PLEKHA5: variants seen among roughly 807,000 people sequenced by gnomAD.
The protein encoded by PLEKHA5 is pleckstrin homology domain containing A5.
PLEKHA5 carries 55 observed loss-of-function variants against 181.9 expected under a neutral mutation model. The ratio of observed to expected loss-of-function variants is 0.30; its 90% confidence interval spans 0.24 to 0.38. The LOEUF is 0.38. PLEKHA5 is among the 10% of genes least tolerant of loss of function. The pLI is 1.00. For missense variants in PLEKHA5, 1,432 were observed against 1,549.5 expected, an observed-to-expected ratio of 0.92 and a Z score of 1.27; for synonymous variants, 535 against 529.4, an observed-to-expected ratio of 1.01 and a Z score of -0.15.
chr12:19,131,644 G>A (rs2150964546), intron 2 of PLEKHA5, among the ~76,000 whole-genome samples: 1 of 151,884 alleles, frequency 6.6e-6, no homozygotes, highest in South Asian at 2.1e-4. Flanking sequence ...TCACGCCACA[G>A]AAAAATTTTA....
chr12:19,318,670 C>T (rs1273296475), intron 16 of PLEKHA5, among the ~76,000 whole-genome samples: 1 of 152,116 alleles, frequency 6.6e-6, no homozygotes, highest in Non-Finnish European at 1.5e-5. Context: ...CGCCTATAAT[C>T]CCAGCACTTT....
At chr12:19,318,499 C>G (rs189302999) in intron 16 of PLEKHA5, among the ~76,000 whole-genome samples, 1 of 152,134 alleles carries the variant, frequency 6.6e-6, no homozygotes, top group African/African-American at 2.4e-5. Flanking sequence ...CTTTAATATA[C>G]TAATGTTTTT....
At chr12:19,306,686 T>C in intron 15 of PLEKHA5, 2 of 1,473,140 alleles carry the variant, frequency 1.4e-6, no homozygotes, top group Non-Finnish European at 1.9e-6. Context: ...TCTGAGCAGA[T>C]GCGGACTCTC....
intron 3 of PLEKHA5, chr12:19,176,172 C>T (rs1215961897): frequency 2.0e-5 from 3 of 149,702 alleles, no homozygotes; most frequent in African/African-American, 7.4e-5. Flanking sequence ...GTTCTCCAGA[C>T]ACTCTCTCTC....
chr12:19,305,813 T>C (rs1396170018), intron 15 of PLEKHA5, among the ~76,000 whole-genome samples: 2 of 125,808 alleles, frequency 1.6e-5, no homozygotes, highest in African/African-American at 5.8e-5. Flanking sequence ...TGAGCCAAGA[T>C]TGCGCCATTG....
chr12:19,281,838 C>G (rs535072766), intron 11 of PLEKHA5, among the ~76,000 whole-genome samples: 2 of 152,012 alleles, frequency 1.3e-5, no homozygotes, highest in African/African-American at 4.8e-5. Flanking sequence ...CTGGAGTGCA[C>G]TGGCGCGATC....
At chr12:19,333,370 G>A (rs895482737) in intron 20 of PLEKHA5, among the ~76,000 whole-genome samples, 6 of 151,732 alleles carry the variant, frequency 4.0e-5, no homozygotes, top group Non-Finnish European at 7.4e-5. Context: ...ATGAGGTCAG[G>A]AGATTAAGAC....
chr12:19,297,824 T>G (rs1297108958), intron 15 of PLEKHA5, among the ~76,000 whole-genome samples: 1 of 151,620 alleles, frequency 6.6e-6, no homozygotes, highest in Non-Finnish European at 1.5e-5. Flanking sequence ...GGGGATAGAT[T>G]GTCAACAGAG....
intron 15 of PLEKHA5, among the ~76,000 whole-genome samples, chr12:19,295,206 A>T (rs1471064693): frequency 6.6e-6 from 1 of 152,186 alleles, no homozygotes; most frequent in African/African-American, 2.4e-5. Context: ...TATATCAGTA[A>T]CTCATTTTCT....
chr12:19,342,645 G>A (rs1283153536), intron 21 of PLEKHA5, among the ~76,000 whole-genome samples: 2 of 152,024 alleles, frequency 1.3e-5, no homozygotes, highest in African/African-American at 4.8e-5. Context: ...TTATGGCATA[G>A]CACGTGCCGT....
chr12:19,266,328 CA>C (rs557412368), intron 8 of PLEKHA5, among the ~76,000 whole-genome samples: 125 of 138,414 alleles, frequency 9.0e-4, no homozygotes, highest in Non-Finnish European at 1.4e-3. Context: ...AAAACAAAAC[CA>C]AAAAAAAAAA....
At chr12:19,216,387 G>T (rs1243658614) in intron 3 of PLEKHA5, among the ~76,000 whole-genome samples, 1 of 152,160 alleles carries the variant, frequency 6.6e-6, no homozygotes, top group African/African-American at 2.4e-5. Context: ...TGTTGGCCGG[G>T]CACAGTGGCT....
In PLEKHA5 at chr12:19,206,894, T is replaced by C. The variant is rs1019570205; in HGVS notation, c.228-47046T>C. ...TTCTACTTACTTTTAGTGTAATACT[T>C]TACCATGGCAATAAAGTGGTTCATT... On this transcript the variant is annotated intron_variant, in intron 3 of 31. Transcript: ENST00000429027. Among the ~76,000 whole-genome samples the C allele has an allele frequency of 8.5e-5, 13 of 152,280 alleles. No individual in the cohort carries two copies. In the East Asian group the frequency reaches 1.5e-3, roughly 18 times the overall value.
intron 31 of PLEKHA5, chr12:19,370,822 T>G (rs1157874110): frequency 6.6e-6 from 1 of 152,018 alleles, no homozygotes; most frequent in Non-Finnish European, 1.5e-5. Flanking sequence ...CACAAGTAGC[T>G]GGGATCACAA....
chr12:19,285,241 A>C (rs2076973805), intron 12 of PLEKHA5, among the ~76,000 whole-genome samples: 1 of 152,228 alleles, frequency 6.6e-6, no homozygotes, highest in African/African-American at 2.4e-5. Context: ...CTGATCTAAT[A>C]CAACTTAATG....
chr12:19,265,714 T>G (rs752683838), intron 7 of PLEKHA5, 36 bp from the exon 8 acceptor site: 2 of 1,207,050 alleles, frequency 1.7e-6, no homozygotes, highest in Non-Finnish European at 2.4e-6. Flanking sequence ...CATAAGAACA[T>G]TTAAAATTCT....
chr12:19,149,715 G>T (rs2039917791), intron 3 of PLEKHA5: 1 of 152,080 alleles, frequency 6.6e-6, no homozygotes, highest in Non-Finnish European at 1.5e-5. Flanking sequence ...CCTTATCCAG[G>T]ATGATGGGAA....
At chr12:19,168,750 T>C (rs2045187590) in intron 3 of PLEKHA5, among the ~76,000 whole-genome samples, 1 of 152,186 alleles carries the variant, frequency 6.6e-6, no homozygotes, top group African/African-American at 2.4e-5. Flanking sequence ...TACTGAATTA[T>C]AAGATTCCTT....
intron 6 of PLEKHA5, among the ~76,000 whole-genome samples, chr12:19,259,508 T>C (rs1035718743): frequency 9.9e-5 from 15 of 152,152 alleles, no homozygotes; most frequent in African/African-American, 3.4e-4. Context: ...TCCAACACTT[T>C]GGGAGGCCAA....
Sources: gnomAD v4.1 joint callset for allele counts (sites outside exome capture counted in the v4.1 genomes callset) on GRCh38, gnomAD v4.1.1 for gene constraint, MANE v1.5 for transcripts, NCBI Gene and HGNC (gene_info 2026-07-23, HGNC 2026-07-21) for gene names.